Variants in C14orf132 observed in about 807,000 individuals in gnomAD.
C14orf132 encodes chromosome 14 open reading frame 132, also known as uncharacterized protein C14orf132.
A neutral mutation model predicts 5.8 loss-of-function variants in C14orf132; 6 were observed. That is an observed-to-expected ratio of 1.03 (90% CI 0.57 to 2.04). The LOEUF (loss-of-function observed/expected upper bound fraction) is 2.04, where lower values mean the gene tolerates loss of function less well. Ranked by LOEUF, C14orf132 falls within the 30% of genes most tolerant of loss-of-function variation. The pLI is 0.00. For synonymous variants in C14orf132, 51 were observed against 49.8 expected, an observed-to-expected ratio of 1.02 and a Z score of -0.10; for missense variants, 125 against 115.8, an observed-to-expected ratio of 1.08 and a Z score of -0.37.
intron 1 of C14orf132, among the ~76,000 whole-genome samples, chr14:96,058,196 G>A (rs370227570): frequency 3.9e-5 from 6 of 152,168 alleles, no homozygotes; most frequent in South Asian, 2.1e-4. Context: ...CCCGCACTTC[G>A]TGAGGCACAT....
In C14orf132 at chr14:96,070,596, T is replaced by TCTCTCACACACA. The variant is rs755530241; in HGVS notation, c.28-15914_28-15913insTCTCACACACAC. Among the ~76,000 whole-genome samples the TCTCTCACACACA allele has an allele frequency of 1.2e-4, 17 of 142,662 alleles. No individual in the cohort carries two copies. In the East Asian group the frequency reaches 2.9e-3, roughly 25 times the overall value. 93.6% of individuals were successfully genotyped at this position (142,662 alleles called of 152,430 possible). Reference sequence around the variant, plus strand: ...GGTAGATGAAGTCTCTCTCTCTCTCTCACACACACACACACACACACACAC... The same window carrying TCTCTCACACACA: ...GGTAGATGAAGTCTCTCTCTCTCTCTCTCTCACACACACACACACACACACACACACACACAC... On this transcript the variant is annotated intron_variant, in intron 1 of 1. Coordinates refer to ENST00000555004, the MANE Select transcript of C14orf132 (RefSeq NM_001252507.3).
intron 1 of C14orf132, among the ~76,000 whole-genome samples, chr14:96,044,333 C>T (rs1431494927): frequency 6.6e-6 from 1 of 152,188 alleles, no homozygotes; most frequent in African/African-American, 2.4e-5. Context: ...GCCACCATGG[C>T]TGGCTAGTCT....
At chr14:96,065,190 G>A (rs1235982607) in intron 1 of C14orf132, among the ~76,000 whole-genome samples, 1 of 152,134 alleles carries the variant, frequency 6.6e-6, no homozygotes, top group African/African-American at 2.4e-5. Flanking sequence ...GGCCACCTCT[G>A]TGCCTTCCTC....
In C14orf132 at chr14:96,066,839, G is replaced by GTAATA. The variant is rs1887547549; in HGVS notation, c.28-19671_28-19667dup. Among the ~76,000 whole-genome samples the GTAATA allele has an allele frequency of 2.0e-5, 3 of 152,300 alleles. No homozygotes were observed. The South Asian group carries it at 6.2e-4, about 32-fold the overall frequency. ...TGTAATGTAGTAAATATAATGTAAT[G>GTAATA]TAATAAATATTTTGTCAGTTCTAGG... is the stretch of plus-strand genomic sequence containing the variant. On this transcript the variant is annotated intron_variant, in intron 1 of 1. Coordinates refer to ENST00000555004, the MANE Select transcript of C14orf132 (RefSeq NM_001252507.3).
chr14:96,085,001 C>T (rs1252722299), intron 1 of C14orf132, among the ~76,000 whole-genome samples: 4 of 152,172 alleles, frequency 2.6e-5, no homozygotes, highest in African/African-American at 9.7e-5. Context: ...GTTCCAGGAG[C>T]CTGACCCTGA....
intron 1 of C14orf132, among the ~76,000 whole-genome samples, chr14:96,079,980 A>T (rs1887982911): frequency 6.6e-6 from 1 of 152,210 alleles, no homozygotes; most frequent in East Asian, 1.9e-4. Context: ...GATATGTGGG[A>T]TATACTTATG....
intron 1 of C14orf132, among the ~76,000 whole-genome samples, chr14:96,049,976 C>T (rs1886983490): frequency 6.6e-6 from 1 of 152,004 alleles, no homozygotes; most frequent in Admixed American, 6.6e-5. Flanking sequence ...CCATTCTCTT[C>T]TTAACATGTT....
rs769773771 is a variant in C14orf132 at position 96,090,597 on chromosome 14, A to G, written c.*3862A>G. The G allele has an allele frequency of 1.5e-5, 7 of 455,814 alleles. No homozygotes were observed. In the East Asian group the frequency reaches 3.5e-4, roughly 23 times the overall value. The allele number at this position is 455,814 out of a possible 1,614,324, so 28.2% of individuals were successfully genotyped here. The stretch of plus-strand genomic sequence containing the variant: ...GCCAATGCTGTCCTTCCCCTTTCCC[A>G]TGAAATCAAGGTCAAGAGGCAAATA... On this transcript the variant is annotated 3_prime_UTR_variant, in exon 2 of 2. Transcript: ENST00000555004.
intron 1 of C14orf132, among the ~76,000 whole-genome samples, chr14:96,080,574 C>G (rs58403714): frequency 6.6e-6 from 1 of 152,048 alleles, no homozygotes; most frequent in Non-Finnish European, 1.5e-5. Flanking sequence ...CTTCTGAAAC[C>G]GTTTTCCGTT....
intron 1 of C14orf132, among the ~76,000 whole-genome samples, chr14:96,062,577 G>A (rs1176477667): frequency 1.3e-5 from 2 of 152,096 alleles, no homozygotes; most frequent in Non-Finnish European, 2.9e-5. Context: ...TGGAAAGGAG[G>A]CATTTCCTGC....
chr14:96,064,231 A>C (rs964311863), intron 1 of C14orf132, among the ~76,000 whole-genome samples: 5 of 151,990 alleles, frequency 3.3e-5, no homozygotes, highest in Admixed American at 1.3e-4. Flanking sequence ...ACCCAGAGGA[A>C]AAGAAGTCAT....
intron 1 of C14orf132, among the ~76,000 whole-genome samples, chr14:96,081,019 T>G (rs895978109): frequency 6.6e-6 from 1 of 152,224 alleles, no homozygotes; most frequent in African/African-American, 2.4e-5. Flanking sequence ...ATTTATAATA[T>G]TTCATCATGT....
chr14:96,051,362 G>A (rs1595170523), intron 1 of C14orf132: 2 of 396,282 alleles, frequency 5.0e-6, no homozygotes, highest in East Asian at 7.1e-5. Flanking sequence ...CAAATCCCTG[G>A]GTCCTAGGAA....
At chr14:96,042,837 C>A (rs1886730522) in intron 1 of C14orf132, among the ~76,000 whole-genome samples, 1 of 152,192 alleles carries the variant, frequency 6.6e-6, no homozygotes, top group Non-Finnish European at 1.5e-5. Context: ...AGCCCCACTC[C>A]ACACAGTGCC....
intron 1 of C14orf132, among the ~76,000 whole-genome samples, chr14:96,066,189 G>T (rs1056063373): frequency 1.3e-5 from 2 of 152,152 alleles, no homozygotes; most frequent in Non-Finnish European, 2.9e-5. Context: ...TCTGGGGCTT[G>T]TCCCAGTCCC....
intron 1 of C14orf132, among the ~76,000 whole-genome samples, chr14:96,085,000 G>T (rs1227819001): frequency 2.6e-5 from 4 of 152,182 alleles, no homozygotes; most frequent in African/African-American, 9.6e-5. Flanking sequence ...TGTTCCAGGA[G>T]CCTGACCCTG....
At chr14:96,060,438 G>A (rs970572981) in intron 1 of C14orf132, among the ~76,000 whole-genome samples, 15 of 152,322 alleles carry the variant, frequency 9.8e-5, no homozygotes, top group East Asian at 1.9e-4. Flanking sequence ...GAGCTGCGAT[G>A]TGCTTTATGA....
intron 1 of C14orf132, among the ~76,000 whole-genome samples, chr14:96,061,257 G>T (rs919606344): frequency 2.0e-5 from 3 of 152,164 alleles, no homozygotes; most frequent in Non-Finnish European, 2.9e-5. Context: ...GAGGGTGAGG[G>T]ATTAGTTCAC....
chr14:96,063,038 GA>G (rs1295333797), intron 1 of C14orf132, among the ~76,000 whole-genome samples: 1 of 152,130 alleles, frequency 6.6e-6, no homozygotes, highest in African/African-American at 2.4e-5. Context: ...TTTTATCACA[GA>G]AAAAAATTTT....
Sources: gnomAD v4.1 joint callset for allele counts (sites outside exome capture counted in the v4.1 genomes callset) on GRCh38, gnomAD v4.1.1 for gene constraint, MANE v1.5 for transcripts, NCBI Gene and HGNC (gene_info 2026-07-23, HGNC 2026-07-21) for gene names.